Variants in TEX11 observed in about 807,000 individuals in gnomAD.
The protein encoded by TEX11 is testis expressed 11.
TEX11 carries 7 observed loss-of-function variants against 84.4 expected under a neutral mutation model. The observed-to-expected ratio is 0.08, with a 90% CI of 0.05 to 0.16. The LOEUF is 0.16. TEX11 is among the 10% of genes least tolerant of loss of function. The pLI is 1.00. For missense variants in TEX11, 551 were observed against 660.5 expected, an observed-to-expected ratio of 0.83 and a Z score of 1.82; for synonymous variants, 264 against 222.8, an observed-to-expected ratio of 1.18 and a Z score of -1.64.
intron 13 of TEX11, among the ~76,000 whole-genome samples, chrX:70,704,895 C>T (rs1170229181): frequency 8.1e-5 from 9 of 110,998 alleles, no homozygotes; most frequent in African/African-American, 2.6e-4. Context: ...AATGGTATTG[C>T]CTAGGTTTTC....
At chrX:70,835,928 A>G in intron 7 of TEX11, among the ~76,000 whole-genome samples, 1 of 110,434 alleles carries the variant, frequency 9.1e-6, no homozygotes, top group Admixed American at 9.7e-5. Context: ...CCTGTCCAAC[A>G]TGGCAAAACC....
At chrX:70,804,971 CTTTTT>C (rs748863855) in intron 9 of TEX11, among the ~76,000 whole-genome samples, 2 of 68,208 alleles carry the variant, frequency 2.9e-5, no homozygotes, top group African/African-American at 6.8e-5. Context: ...CACCAGCATC[CTTTTT>C]TTTTTTTTTT....
At chrX:70,660,655 C>T (rs1481574965) in intron 16 of TEX11, among the ~76,000 whole-genome samples, 1 of 112,128 alleles carries the variant, frequency 8.9e-6, no homozygotes, top group African/African-American at 3.2e-5. Context: ...TATGATAATG[C>T]CTTCTTCTGG....
chrX:70,893,902 G>T (rs751450598), intron 2 of TEX11, among the ~76,000 whole-genome samples: 55 of 111,565 alleles, frequency 4.9e-4, no homozygotes, highest in African/African-American at 1.8e-3. Context: ...ATCACCACTG[G>T]TCCCACAGAA....
intron 14 of TEX11, 69 bp from the exon 15 acceptor site, chrX:70,678,958 C>T: frequency 1.2e-6 from 1 of 820,665 alleles, no homozygotes; most frequent in Non-Finnish European, 1.7e-6. Context: ...CTCCCTCTCC[C>T]TCTCCCTCTC....
At chrX:70,591,698 C>T (rs1428089112) in intron 25 of TEX11, 53 bp downstream of exon 25, 5 of 978,342 alleles carry the variant, frequency 5.1e-6, no homozygotes, top group Non-Finnish European at 7.2e-6. Flanking sequence ...CTTGTTTATT[C>T]GATTCTAAGC....
At chrX:70,879,028 C>T (rs1374230618) in intron 3 of TEX11, among the ~76,000 whole-genome samples, 1 of 111,691 alleles carries the variant, frequency 9.0e-6, no homozygotes, top group Non-Finnish European at 1.9e-5. Context: ...GTAAACCACA[C>T]ATTGTATGAT....
At chrX:70,664,921 C>A (rs1488395020) in intron 16 of TEX11, among the ~76,000 whole-genome samples, 1 of 108,436 alleles carries the variant, frequency 9.2e-6, no homozygotes, top group Non-Finnish European at 1.9e-5. Context: ...GCCACAGTGC[C>A]ATCTAGTGAA....
intron 10 of TEX11, among the ~76,000 whole-genome samples, chrX:70,741,631 G>A (rs897016225): frequency 9.0e-6 from 1 of 111,176 alleles, no homozygotes; most frequent in African/African-American, 3.3e-5. Flanking sequence ...AAAAATTACT[G>A]CATAGTATTA....
In TEX11 at chrX:70,816,665, T is replaced by A. The variant is rs756077480; in HGVS notation, c.607-9875A>T. Among the ~76,000 whole-genome samples the A allele has an allele frequency of 2.8e-5, 3 of 108,527 alleles. No individual in the cohort carries two copies. The East Asian group carries it at 8.7e-4, about 31-fold the overall frequency. The allele number at this position is 108,527 out of a possible 115,157, so 94.2% of individuals were successfully genotyped here. A position where few individuals can be genotyped will look rare whatever the true frequency, so the allele number is the denominator to read the frequency against. ...AGGCGGCAGTTGCAGTGAGCCAAGA[T>A]CGTGCCACTGCACTCCAGCCTGGGT... On this transcript the variant is annotated intron_variant, in intron 8 of 29. Transcript: ENST00000374333.
At chrX:70,520,618 T>G in the TEX11 span, among the ~76,000 whole-genome samples, 1 of 112,507 alleles carries the variant, frequency 8.9e-6, no homozygotes, top group Non-Finnish European at 1.9e-5. Context: ...GAGAAGGCAG[T>G]CTGTCTGTTC....
chrX:70,642,408 A>C (rs1256140845), intron 17 of TEX11, among the ~76,000 whole-genome samples: 1 of 111,233 alleles, frequency 9.0e-6, no homozygotes, highest in African/African-American at 3.3e-5. Context: ...AATCCTCCCT[A>C]ACTCATTTTA....
chrX:70,844,495 G>A (rs1380064173), intron 7 of TEX11, among the ~76,000 whole-genome samples: 4 of 103,035 alleles, frequency 3.9e-5, no homozygotes, highest in African/African-American at 1.4e-4. Context: ...TAGCATTAGG[G>A]GATATACCTA....
chrX:70,907,279 T>C (rs1288925863), intron 2 of TEX11, among the ~76,000 whole-genome samples: 2 of 111,936 alleles, frequency 1.8e-5, no homozygotes, highest in African/African-American at 6.5e-5. Context: ...GTGAATTCTG[T>C]CTCCCTACAC....
chrX:70,849,768 C>A (rs1602181086), intron 7 of TEX11, among the ~76,000 whole-genome samples: 1 of 112,067 alleles, frequency 8.9e-6, no homozygotes, highest in East Asian at 2.8e-4. Context: ...TTATCAAAGT[C>A]AAGAATTATA....
intron 13 of TEX11, among the ~76,000 whole-genome samples, chrX:70,687,607 A>G (rs755061306): frequency 8.9e-6 from 1 of 112,026 alleles, no homozygotes; most frequent in Non-Finnish European, 1.9e-5. Flanking sequence ...TAGTATATAC[A>G]ATAACCAAAA....
chrX:70,570,750 T>TG (rs780519243), intron 25 of TEX11, among the ~76,000 whole-genome samples: 40 of 111,054 alleles, frequency 3.6e-4, no homozygotes, highest in Non-Finnish European at 6.0e-4. Flanking sequence ...TGAGAAGTAA[T>TG]GGGGGGCGGG....
intron 16 of TEX11, among the ~76,000 whole-genome samples, chrX:70,661,377 GA>G (rs2089925105): frequency 8.9e-6 from 1 of 112,511 alleles, no homozygotes; most frequent in Non-Finnish European, 1.9e-5. Context: ...AAGCAGCCCG[GA>G]AGCTCGAACT....
At chrX:70,702,504 AC>A (rs1348474343) in intron 13 of TEX11, among the ~76,000 whole-genome samples, 1 of 112,303 alleles carries the variant, frequency 8.9e-6, no homozygotes, top group Non-Finnish European at 1.9e-5. Context: ...TGTGTGACTC[AC>A]TTTATTGCAA....
Sources: allele counts gnomAD v4.1 joint callset (sites outside exome capture counted in the v4.1 genomes callset), GRCh38; gene constraint gnomAD v4.1.1; transcripts MANE v1.5; gene names NCBI Gene and HGNC (gene_info 2026-07-23, HGNC 2026-07-21).